Variants in XPO1 observed in about 807,000 individuals in gnomAD.
XPO1 encodes the protein exportin-1.
XPO1 carries 5 observed loss-of-function variants against 133.3 expected under a neutral mutation model. The observed-to-expected ratio is 0.04, with a 90% CI of 0.02 to 0.08. The LOEUF (loss-of-function observed/expected upper bound fraction) is 0.08. Among genes scored for constraint, XPO1 ranks in the 10% least tolerant of loss-of-function variants. The pLI, the probability that XPO1 is intolerant of heterozygous loss-of-function variation, is 1.00. For synonymous variants in XPO1, 419 were observed against 408.2 expected (o/e 1.03, Z -0.32); for missense variants, 506 against 1,267.5 (o/e 0.40, Z 9.12).
intron 24 of XPO1, chr2:61,480,644 T>C (rs1696301726): frequency 6.6e-6 from 1 of 152,176 alleles, no homozygotes; most frequent in Non-Finnish European, 1.5e-5. Flanking sequence ...AAAAAAACCT[T>C]TGTATTTTGG....
Position 61,478,976 on chromosome 2 carries a change from CAGAT to C in XPO1, c.3070-14_3070-11del. The C allele has an allele frequency of 1.2e-6, 2 of 1,609,308 alleles. No homozygotes were observed. The highest frequency in any genetic ancestry group is 2.2e-5 in the East Asian group (1 of 44,814). ...CTTCACCTGCAAATTCCTGTGAAAA[CAGAT>C]AGTTGAAATGTCAACGCAATAAACT... On this transcript the variant is annotated splice_polypyrimidine_tract_variant and intron_variant, in intron 24 of 24. Coordinates refer to ENST00000401558, the MANE Select transcript of XPO1 (RefSeq NM_003400.4).
intron 2 of XPO1, among the ~76,000 whole-genome samples, chr2:61,529,663 T>C (rs1230727564): frequency 1.3e-5 from 2 of 149,754 alleles, no homozygotes; most frequent in Non-Finnish European, 3.0e-5. Flanking sequence ...CTCTGTCTCA[T>C]TACAAAAAAA....
chr2:61,528,573 A>G (rs1326832421), intron 2 of XPO1, among the ~76,000 whole-genome samples: 12 of 150,958 alleles, frequency 7.9e-5, no homozygotes, highest in Admixed American at 6.0e-4. Flanking sequence ...CGGAGGTTGC[A>G]GTGAGCCAAG....
intron 9 of XPO1, among the ~76,000 whole-genome samples, chr2:61,498,160 G>A (rs781270855): frequency 2.6e-5 from 4 of 152,096 alleles, no homozygotes; most frequent in Non-Finnish European, 5.9e-5. Flanking sequence ...GCAGTGGCAC[G>A]ATCTTGGCTC....
At chr2:61,501,023 G>A (rs573766829) in intron 6 of XPO1, among the ~76,000 whole-genome samples, 2 of 152,160 alleles carry the variant, frequency 1.3e-5, no homozygotes, top group South Asian at 2.1e-4. Flanking sequence ...ATGCAAGTCT[G>A]GACTATTTAT....
At chr2:61,524,644 G>T (rs1168315098) in intron 3 of XPO1, among the ~76,000 whole-genome samples, 1 of 152,164 alleles carries the variant, frequency 6.6e-6, no homozygotes, top group Non-Finnish European at 1.5e-5. Flanking sequence ...TGTTATTTGG[G>T]GCCAGGCAAA....
rs758440810 is a variant in XPO1, at chr2:61,492,547, C to T, written c.1566+20G>A. 6.3e-7 allele frequency: 1 copy of T among 1,599,864 alleles called. No homozygotes were observed. The highest frequency in any genetic ancestry group is 1.1e-5 in the South Asian group (1 of 87,976). On this transcript the variant is annotated intron_variant, in intron 14 of 24. Transcript: ENST00000401558. The surrounding 1 kb of genome is among the most constrained non-coding windows in gnomAD (Gnocchi z 5.6). ...TAATACTTATTTAGCAATTCTAATT[C>T]ATACCTATCCCTTGCATACCTTTAT...
chr2:61,502,166 G>C (rs746865778), intron 5 of XPO1, 83 bp downstream of exon 5: 6 of 1,541,238 alleles, frequency 3.9e-6, no homozygotes, highest in South Asian at 2.3e-5. Context: ...GTGACTATGT[G>C]TCTTGACAGA....
At chr2:61,526,030 T>C in intron 3 of XPO1, 1 of 1,070,724 alleles carries the variant, frequency 9.3e-7, no homozygotes, top group Non-Finnish European at 1.1e-6. Context: ...AGTAGGGTTT[T>C]AAGCTGTCCA....
intron 9 of XPO1, 55 bp from the exon 10 acceptor site, chr2:61,497,062 C>G: frequency 6.5e-7 from 1 of 1,549,942 alleles, no homozygotes; most frequent in Non-Finnish European, 8.7e-7. Context: ...ACACACTTTA[C>G]TTAAAATTCA....
intron 2 of XPO1, among the ~76,000 whole-genome samples, chr2:61,533,080 G>C (rs1353685851): frequency 6.6e-6 from 1 of 152,116 alleles, no homozygotes; most frequent in Non-Finnish European, 1.5e-5. Context: ...CAGGGAGGCT[G>C]AGGCAAGACA....
intron 3 of XPO1, 26 bp downstream of exon 3, chr2:61,526,394 A>T (rs371819221): frequency 1.3e-6 from 2 of 1,597,028 alleles, no homozygotes; most frequent in African/African-American, 2.7e-5. Context: ...AAGAAATAAC[A>T]GATTTTAAAA....
At chr2:61,482,815 C>G (rs1451117522) in intron 22 of XPO1, 142 bp downstream of exon 22, 2 of 972,092 alleles carry the variant, frequency 2.1e-6, no homozygotes, top group African/African-American at 3.3e-5. Flanking sequence ...TTAGTACAGA[C>G]AGTTTCACCA....
chr2:61,482,331 C>CCAA lies in XPO1; in HGVS notation c.2972+48_2972+49insTTG, dbSNP rs1696427876. The CCAA allele has an allele frequency of 6.6e-6, 10 of 1,515,870 alleles. No homozygotes were observed. In the South Asian group the frequency reaches 1.3e-4, roughly 20 times the overall value. 93.9% of individuals were successfully genotyped at this position (1,515,870 alleles called of 1,614,324 possible). On this transcript the variant is annotated intron_variant, in intron 23 of 24. Transcript: ENST00000401558. ...AAGTGCTGGGATTACAGGTGTGAGC[C>CCAA]ACTGTGCCCGACCAGGAACATTCTA...
rs761660449 is a variant in XPO1, at chr2:61,492,621, A to G, written c.1512T>C (p.Ile504=). 1 of 1,613,936 alleles carries G rather than the reference A, an allele frequency of 6.2e-7. No homozygotes were observed. Among genetic ancestry groups the G allele is most frequent in the South Asian group, 1.1e-5 (1 of 91,044 alleles). Residue 504 remains isoleucine (I), a synonymous_variant, in exon 14 of 25, where the codon ATT becomes ATC. Transcript: ENST00000401558. The surrounding 1 kb of genome is among the most constrained non-coding windows in gnomAD (Gnocchi z 5.6). ...LNTLCWAIGS[I]SGAMHEEDEK... is the part of the protein sequence containing the mutation. The stretch of plus-strand genomic sequence containing the variant: ...CGTCCTCTTCATGCATTGCTCCACT[A>G]ATGGAGCCTATTGCCCAACACAATG...
intron 6 of XPO1, among the ~76,000 whole-genome samples, chr2:61,501,018 A>G (rs1319681024): frequency 1.3e-5 from 2 of 152,208 alleles, no homozygotes; most frequent in African/African-American, 4.8e-5. Flanking sequence ...TTTGTATGCA[A>G]GTCTGGACTA....
intron 23 of XPO1, among the ~76,000 whole-genome samples, 159 bp from the exon 24 acceptor site, chr2:61,481,440 GTT>G (rs35101636): frequency 1.4e-5 from 2 of 143,634 alleles, no homozygotes; most frequent in East Asian, 2.0e-4. Context: ...TCCCAATAAT[GTT>G]TTTTTTTTTT....
At chr2:61,526,687 TATATAA>T (rs1300869197) in intron 2 of XPO1, among the ~76,000 whole-genome samples, 166 bp from the exon 3 acceptor site, 1 of 150,722 alleles carries the variant, frequency 6.6e-6, no homozygotes, top group Non-Finnish European at 1.5e-5. Flanking sequence ...GAAATAAAAT[TATATAA>T]ATATGACTCC....
Position 61,494,159 on chromosome 2 carries a change from G to T in XPO1, c.1048-68C>A, listed in dbSNP as rs1218718494. ...ACCAACTTCAAATTGCTTTTCACTT[G>T]TTACACCTTAAGGGAAAATAAAAAT... On this transcript the variant is annotated intron_variant, in intron 11 of 24. Transcript: ENST00000401558. 2.1e-6 allele frequency: 3 copies of T among 1,397,590 alleles called. No individual in the cohort carries two copies. The African/African-American group carries it at 4.3e-5, about 20-fold the overall frequency. The allele number at this position is 1,397,590 out of a possible 1,614,324, so 86.6% of individuals were successfully genotyped here. A position where few individuals can be genotyped will look rare whatever the true frequency, so the allele number is the denominator to read the frequency against.
Sources: allele counts gnomAD v4.1 joint callset (sites outside exome capture counted in the v4.1 genomes callset), GRCh38; gene constraint gnomAD v4.1.1; non-coding constraint Gnocchi (gnomAD v3.1); transcripts MANE v1.5; gene names NCBI Gene and HGNC (gene_info 2026-07-23, HGNC 2026-07-21).